PTPRD: variants seen among roughly 807,000 people sequenced by gnomAD.
PTPRD encodes receptor-type tyrosine-protein phosphatase delta.
Under a neutral mutation model 214.5 loss-of-function variants are expected in PTPRD, and 34 were observed. The observed-to-expected ratio is 0.16, with a 90% CI of 0.12 to 0.21. PTPRD has a LOEUF of 0.21. Among genes scored for constraint, PTPRD ranks in the 10% least tolerant of loss-of-function variants. The pLI is 1.00. For missense variants in PTPRD, 2,545 were observed against 2,398.7 expected (o/e 1.06, Z -1.27); for synonymous variants, 1,128 against 845.7 (o/e 1.33, Z -5.79).
At chr9:9,429,853 C>A (rs79622872) in intron 8 of PTPRD, among the ~76,000 whole-genome samples, 1,612 of 143,554 alleles carry the variant, frequency 0.011, 16 homozygotes, top group African/African-American at 0.038. Flanking sequence ...ATTCAACAAC[C>A]CTTCATGCTA....
chr9:10,236,424 T>C (rs2099629087), intron 3 of PTPRD, among the ~76,000 whole-genome samples: 1 of 151,930 alleles, frequency 6.6e-6, no homozygotes, highest in Non-Finnish European at 1.5e-5. Context: ...TGGAAGATAA[T>C]CATTCACTTC....
intron 2 of PTPRD, among the ~76,000 whole-genome samples, chr9:10,565,996 A>G (rs2065479602): frequency 6.6e-6 from 1 of 151,948 alleles, no homozygotes; most frequent in Non-Finnish European, 1.5e-5. Flanking sequence ...ACATTATGGT[A>G]TAAGGTTGTC....
intron 9 of PTPRD, among the ~76,000 whole-genome samples, chr9:9,324,844 A>C (rs1425595650): frequency 6.6e-6 from 1 of 152,204 alleles, no homozygotes; most frequent in Non-Finnish European, 1.5e-5. Context: ...GTAAGTCTTT[A>C]ATCCATGTTG....
chr9:9,059,196 C>T (rs1590777558), intron 10 of PTPRD, among the ~76,000 whole-genome samples: 1 of 152,310 alleles, frequency 6.6e-6, no homozygotes, highest in East Asian at 1.9e-4. Flanking sequence ...AGAGTCAATA[C>T]ATTTTCCGTT....
At chr9:10,612,208 CAA>C (rs35311745) in intron 2 of PTPRD, among the ~76,000 whole-genome samples, 188 bp downstream of exon 2, 106 of 126,704 alleles carry the variant, frequency 8.4e-4, no homozygotes, top group South Asian at 1.0e-3. Flanking sequence ...AGGGCTCTTC[CAA>C]AAAAAAAAAA....
intron 7 of PTPRD, among the ~76,000 whole-genome samples, chr9:9,634,687 C>A (rs1438102660): frequency 6.6e-6 from 1 of 152,112 alleles, no homozygotes; most frequent in African/African-American, 2.4e-5. Flanking sequence ...AAGAAGCAGT[C>A]AATTCTTAAA....
intron 7 of PTPRD, among the ~76,000 whole-genome samples, chr9:9,589,502 T>C (rs1185635695): frequency 1.3e-5 from 2 of 151,906 alleles, no homozygotes; most frequent in Non-Finnish European, 2.9e-5. Context: ...CCATGGAAAA[T>C]AGGATTTTTC....
intron 11 of PTPRD, among the ~76,000 whole-genome samples, chr9:8,973,492 T>C (rs1037441435): frequency 3.3e-5 from 5 of 152,098 alleles, no homozygotes; most frequent in Admixed American, 3.3e-4. Context: ...TGATTCCATG[T>C]CTTTGCCATT....
At chr9:10,223,396 G>A (rs562377462) in intron 3 of PTPRD, among the ~76,000 whole-genome samples, 2 of 152,106 alleles carry the variant, frequency 1.3e-5, no homozygotes, top group East Asian at 3.9e-4. Flanking sequence ...AGGACGTGGT[G>A]GCTCACACCT....
chr9:9,222,863 T>A (rs991943257), intron 9 of PTPRD, among the ~76,000 whole-genome samples: 1 of 152,044 alleles, frequency 6.6e-6, no homozygotes, highest in Admixed American at 6.6e-5. Flanking sequence ...AATTTTACAG[T>A]ACAATATTCA....
intron 11 of PTPRD, among the ~76,000 whole-genome samples, chr9:8,958,136 G>C (rs1481248455): frequency 6.6e-6 from 1 of 151,898 alleles, no homozygotes; most frequent in Non-Finnish European, 1.5e-5. Context: ...TCCTGCAGGT[G>C]CTAAATGTGT....
chr9:10,293,326 C>T (rs1426701108), intron 3 of PTPRD, among the ~76,000 whole-genome samples: 1 of 151,854 alleles, frequency 6.6e-6, no homozygotes, highest in African/African-American at 2.4e-5. Flanking sequence ...GACTAATATG[C>T]AGTTTTTTCT....
At chr9:8,986,198 A>G (rs1289855521) in intron 11 of PTPRD, among the ~76,000 whole-genome samples, 2 of 152,044 alleles carry the variant, frequency 1.3e-5, no homozygotes, top group East Asian at 1.9e-4. Context: ...TGCTACAGGT[A>G]TCTGTTTCTC....
chr9:9,244,649 A>G (rs1160033066), intron 9 of PTPRD, among the ~76,000 whole-genome samples: 1 of 152,218 alleles, frequency 6.6e-6, no homozygotes, highest in Non-Finnish European at 1.5e-5. Context: ...AGATGGATTA[A>G]GACTTAAATG....
chr9:9,338,326 CT>C (rs1250626682), intron 9 of PTPRD, among the ~76,000 whole-genome samples: 1 of 152,126 alleles, frequency 6.6e-6, no homozygotes, highest in East Asian at 1.9e-4. Flanking sequence ...TGGCACATGT[CT>C]AATTCAGATT....
intron 8 of PTPRD, among the ~76,000 whole-genome samples, chr9:9,491,955 G>C (rs62533224): frequency 7.9e-5 from 12 of 151,924 alleles, no homozygotes; most frequent in Non-Finnish European, 1.2e-4. Flanking sequence ...AAACCAAAAG[G>C]TGATTCTTTA....
At chr9:9,240,251 C>T (rs531546799) in intron 9 of PTPRD, among the ~76,000 whole-genome samples, 252 of 152,074 alleles carry the variant, frequency 1.7e-3, no homozygotes, top group African/African-American at 5.6e-3. Context: ...TAAATGTCTG[C>T]CTTATTTATA....
intron 3 of PTPRD, among the ~76,000 whole-genome samples, chr9:10,100,719 T>A (rs72694850): frequency 1.3e-5 from 2 of 151,620 alleles, no homozygotes; most frequent in Non-Finnish European, 3.0e-5. Context: ...TGAATATATA[T>A]TGAGCACCTC....
chr9:9,264,362 G>C (rs565983586), intron 9 of PTPRD, among the ~76,000 whole-genome samples: 4 of 151,518 alleles, frequency 2.6e-5, no homozygotes, highest in African/African-American at 9.7e-5. Flanking sequence ...AACAAATTCT[G>C]GTGCTGAAGA....
Sources: gnomAD v4.1 joint callset for allele counts (sites outside exome capture counted in the v4.1 genomes callset) on GRCh38, gnomAD v4.1.1 for gene constraint, MANE v1.5 for transcripts, NCBI Gene and HGNC (gene_info 2026-07-23, HGNC 2026-07-21) for gene names.